Variants in LRP1B observed in about 807,000 individuals in gnomAD.
LRP1B encodes the protein LDL receptor related protein 1B.
In LRP1B, 217 loss-of-function variants were observed where a neutral mutation model predicts 556.6. That is an observed-to-expected ratio of 0.39 (90% confidence interval 0.35 to 0.44). LRP1B has a LOEUF of 0.44. Among genes scored for constraint, LRP1B ranks in the 20% least tolerant of loss-of-function variants. The pLI is 1.00. For synonymous variants in LRP1B, 2,047 were observed against 1,865.8 expected (o/e 1.10, Z -2.50); for missense variants, 5,053 against 5,620.8 (o/e 0.90, Z 3.23).
intron 41 of LRP1B, among the ~76,000 whole-genome samples, chr2:140,609,994 G>A (rs1379045580): frequency 6.6e-6 from 1 of 151,258 alleles, no homozygotes; most frequent in Admixed American, 6.6e-5. Context: ...TTTTTATTAT[G>A]CCCTGGCCAC....
intron 3 of LRP1B, among the ~76,000 whole-genome samples, chr2:141,387,270 C>T (rs1689864901): frequency 6.6e-6 from 1 of 151,602 alleles, no homozygotes; most frequent in Admixed American, 6.6e-5. Context: ...ATTTAAGGAA[C>T]TATGAAAAAA....
rs192954634 is a variant in LRP1B at position 140,608,752 on chromosome 2, C to T, written c.6800-7113G>A. Among the ~76,000 whole-genome samples the T allele has an allele frequency of 1.1e-4, 16 of 152,246 alleles. No individual in the cohort carries two copies. In the East Asian group the frequency reaches 2.7e-3, roughly 26 times the overall value. Reference sequence around the variant, plus strand: ...GGTTTTCCCAAAACAACAACAACAACAACAAAACAATTTGCCCTGAAAGAG... The same window carrying T: ...GGTTTTCCCAAAACAACAACAACAATAACAAAACAATTTGCCCTGAAAGAG... On this transcript the variant is annotated intron_variant, in intron 41 of 90. Coordinates refer to ENST00000389484, the MANE Select transcript of LRP1B (RefSeq NM_018557.3).
intron 2 of LRP1B, among the ~76,000 whole-genome samples, chr2:141,667,844 T>A (rs929803963): frequency 6.6e-6 from 1 of 152,188 alleles, no homozygotes; most frequent in African/African-American, 2.4e-5. Context: ...GGGAGGCATC[T>A]AGTGAATATT....
chr2:141,623,834 G>A (rs2105339223), intron 2 of LRP1B, among the ~76,000 whole-genome samples: 1 of 151,730 alleles, frequency 6.6e-6, no homozygotes, highest in African/African-American at 2.4e-5. Context: ...GGCTAAGATG[G>A]TGAAACTCCG....
At chr2:140,689,319 C>T (rs191630606) in intron 41 of LRP1B, among the ~76,000 whole-genome samples, 68 of 152,288 alleles carry the variant, frequency 4.5e-4, no homozygotes, top group African/African-American at 1.5e-3. Flanking sequence ...TCAAATAAGG[C>T]AAATGCCAAT....
intron 1 of LRP1B, among the ~76,000 whole-genome samples, chr2:141,891,587 T>A (rs1225297415): frequency 6.6e-6 from 1 of 152,142 alleles, no homozygotes. Context: ...ACAAAATCCT[T>A]ATCTGTACTT....
chr2:141,443,689 C>A (rs757323583), intron 3 of LRP1B, among the ~76,000 whole-genome samples: 41 of 152,054 alleles, frequency 2.7e-4, no homozygotes, highest in Non-Finnish European at 1.8e-4. Context: ...ACAGGGAATC[C>A]TTTCCCCATT....
intron 41 of LRP1B, among the ~76,000 whole-genome samples, chr2:140,632,373 A>C (rs868106370): frequency 1.3e-5 from 2 of 152,178 alleles, no homozygotes; most frequent in Admixed American, 6.5e-5. Flanking sequence ...TGTGAAGAAG[A>C]AATAGGGAAA....
intron 51 of LRP1B, among the ~76,000 whole-genome samples, chr2:140,511,319 T>TTTTTTG (rs1553477418): frequency 6.9e-6 from 1 of 145,804 alleles, no homozygotes; most frequent in African/African-American, 2.6e-5. Flanking sequence ...TTTTTTTTTT[T>TTTTTTG]GAGACGGAGT....
At chr2:140,811,622 T>C (rs934596842) in intron 32 of LRP1B, among the ~76,000 whole-genome samples, 5 of 152,140 alleles carry the variant, frequency 3.3e-5, no homozygotes, top group African/African-American at 1.2e-4. Flanking sequence ...TGGGTGATGA[T>C]TTAGAGACTG....
intron 20 of LRP1B, among the ~76,000 whole-genome samples, chr2:140,937,635 A>C (rs998800293): frequency 6.6e-6 from 1 of 152,102 alleles, no homozygotes; most frequent in African/African-American, 2.4e-5. Context: ...AATTAAAACA[A>C]TGTTCTCATG....
intron 35 of LRP1B, among the ~76,000 whole-genome samples, chr2:140,717,512 T>C (rs948944997): frequency 6.6e-6 from 1 of 152,076 alleles, no homozygotes; most frequent in African/African-American, 2.4e-5. Context: ...GAGTACTTTT[T>C]GAATACTTGA....
chr2:140,602,222 G>A (rs1682702360), intron 41 of LRP1B, among the ~76,000 whole-genome samples: 2 of 151,284 alleles, frequency 1.3e-5, no homozygotes, highest in African/African-American at 4.9e-5. Flanking sequence ...AACAAAGCAA[G>A]AGAAAAAGAA....
intron 3 of LRP1B, among the ~76,000 whole-genome samples, chr2:141,288,756 C>A (rs1685823867): frequency 6.6e-6 from 1 of 152,080 alleles, no homozygotes; most frequent in African/African-American, 2.4e-5. Flanking sequence ...CTTTTCTTCC[C>A]TAGAAGAATT....
intron 43 of LRP1B, among the ~76,000 whole-genome samples, chr2:140,573,758 A>G (rs2105113418): frequency 6.6e-6 from 1 of 152,154 alleles, no homozygotes; most frequent in South Asian, 2.1e-4. Context: ...AGGCCCTCTT[A>G]ATATCTGGTT....
chr2:140,541,051 A>T lies in LRP1B; in HGVS notation c.7435T>A (p.Cys2479Ser), dbSNP rs2105017076. 1 of 1,611,618 alleles carries T rather than the reference A, an allele frequency of 6.2e-7. No individual in the cohort carries two copies. Among genetic ancestry groups the T allele is most frequent in the South Asian group, 1.1e-5 (1 of 90,970 alleles). Residue 2479 changes from cysteine (C) to serine (S), a missense_variant, in exon 45 of 91, where the codon TGC becomes AGC. Around this residue, in one of 5 missense-constraint regions of LRP1B, gnomAD observed 3,619 missense variants for 3,931.9 expected, o/e 0.92. Transcript: ENST00000389484. Reference protein sequence around the residue: ...ALLNGGCHDLCLLTPNGRVNC... With the variant: ...ALLNGGCHDLSLLTPNGRVNC... ...ACTCTCCCATTGGGAGTTAAAAGGCACAAGTCATGGCAGCCTCCATTCAAT... is the reference window on the plus strand; with the variant it reads ...ACTCTCCCATTGGGAGTTAAAAGGCTCAAGTCATGGCAGCCTCCATTCAAT...
At chr2:141,163,268 G>C (rs1456175638) in intron 7 of LRP1B, among the ~76,000 whole-genome samples, 1 of 151,916 alleles carries the variant, frequency 6.6e-6, no homozygotes, top group Admixed American at 6.6e-5. Context: ...CAACAAATAT[G>C]CTTGGGGTAT....
chr2:141,647,409 G>T (rs192643676), intron 2 of LRP1B, among the ~76,000 whole-genome samples: 1 of 152,234 alleles, frequency 6.6e-6, no homozygotes, highest in African/African-American at 2.4e-5. Flanking sequence ...CTGAGTGTTG[G>T]GGGTTAATTT....
intron 25 of LRP1B, among the ~76,000 whole-genome samples, chr2:140,872,392 AAAG>A (rs1693168315): frequency 1.5e-5 from 1 of 67,784 alleles, no homozygotes; most frequent in Non-Finnish European, 2.8e-5. Flanking sequence ...TTTTTTTACT[AAAG>A]TAGCTATTGC....
Sources: gnomAD v4.1 joint callset for allele counts (sites outside exome capture counted in the v4.1 genomes callset) on GRCh38, gnomAD v4.1.1 for gene constraint, gnomAD v4.1.1 regional missense constraint, MANE v1.5 for transcripts, NCBI Gene and HGNC (gene_info 2026-07-23, HGNC 2026-07-21) for gene names.